The following LRRC28 variants were observed in gnomAD, a reference collection of about 807,000 sequenced individuals.
LRRC28 encodes leucine rich repeat containing 28.
LRRC28 carries 39 observed loss-of-function variants against 45.7 expected under a neutral mutation model. The observed-to-expected ratio is 0.85, with a 90% confidence interval of 0.66 to 1.12. The LOEUF (loss-of-function observed/expected upper bound fraction) is 1.12, where lower values mean the gene tolerates loss of function less well. LRRC28 is among the 50% of genes most tolerant of loss of function. The pLI is 0.00. For synonymous variants in LRRC28, 206 were observed against 178.8 expected (o/e 1.15, Z -1.22); for missense variants, 435 against 438.5 (o/e 0.99, Z 0.07).
intron 6 of LRRC28, among the ~76,000 whole-genome samples, chr15:99,334,880 G>A (rs1448771486): frequency 1.3e-5 from 2 of 151,906 alleles, no homozygotes; most frequent in Non-Finnish European, 2.9e-5. Flanking sequence ...TATCTCTGAG[G>A]GTAGTAAAGT....
At position 99,388,427 on chromosome 15, in the gene LRRC28, AAAC is replaced by A. The variant is rs1958093554; in HGVS notation, c.*2330_*2332del. 1 of 152,248 alleles carries A rather than the reference AAAC, an allele frequency of 6.6e-6. No homozygotes were observed. The highest frequency in any genetic ancestry group is 2.4e-5 in the African/African-American group (1 of 41,462). 9.4% of individuals were successfully genotyped at this position (152,248 alleles called of 1,614,324 possible). On this transcript the variant is annotated 3_prime_UTR_variant, in exon 10 of 10. Transcript: ENST00000301981. ...TACCTATTATGAACTACGGTGTGTT[AAAC>A]AACAGCAGTGGGCTGGGCAGACAAC...
intron 9 of LRRC28, among the ~76,000 whole-genome samples, chr15:99,381,163 G>C (rs1416868135): frequency 6.6e-6 from 1 of 152,174 alleles, no homozygotes; most frequent in Non-Finnish European, 1.5e-5. Context: ...TCACTTTCAA[G>C]TATACCAATC....
At chr15:99,288,417 C>A (rs1004286860) in intron 5 of LRRC28, among the ~76,000 whole-genome samples, 1 of 123,330 alleles carries the variant, frequency 8.1e-6, no homozygotes, top group Non-Finnish European at 1.6e-5. Flanking sequence ...GAGTCTTGCC[C>A]TGTCGTCAGG....
chr15:99,387,185 CAA>C lies in LRRC28; in HGVS notation c.*1084_*1085del, dbSNP rs1567721870. 8.9e-5 allele frequency: 13 copies of C among 145,804 alleles called. No individual in the cohort carries two copies. The highest frequency in any genetic ancestry group is 1.2e-4 in the Non-Finnish European group (8 of 66,098). 9.0% of individuals were successfully genotyped at this position (145,804 alleles called of 1,614,324 possible). A position where few individuals can be genotyped will look rare whatever the true frequency, so the allele number is the denominator to read the frequency against. Reference sequence around the variant, plus strand: ...ACGCCATTCTCCTGCCTCAGCCTCCCAAGTAGCTGGGACCACAGGCGCCCGCC... The same window carrying C: ...ACGCCATTCTCCTGCCTCAGCCTCCCGTAGCTGGGACCACAGGCGCCCGCC... On this transcript the variant is annotated 3_prime_UTR_variant, in exon 10 of 10. Coordinates refer to ENST00000301981, the MANE Select transcript of LRRC28 (RefSeq NM_144598.5).
At chr15:99,333,790 A>C in intron 5 of LRRC28, 133 bp from the exon 6 acceptor site, 1 of 895,876 alleles carries the variant, frequency 1.1e-6, no homozygotes, top group Non-Finnish European at 1.7e-6. Context: ...AAAATCCTGC[A>C]CTTCAGCATT....
chr15:99,295,554 A>T (rs537051081), intron 5 of LRRC28, among the ~76,000 whole-genome samples: 1 of 152,362 alleles, frequency 6.6e-6, no homozygotes, highest in South Asian at 2.1e-4. Flanking sequence ...GAGAAATCTG[A>T]TACCTTTGTG....
intron 3 of LRRC28, chr15:99,285,334 T>A (rs2081928762): frequency 1.3e-6 from 1 of 742,078 alleles, no homozygotes; most frequent in South Asian, 1.4e-5. Context: ...GTCCCACAAC[T>A]CTTCTGTCCA....
At chr15:99,310,423 G>A (rs1955361420) in intron 5 of LRRC28, among the ~76,000 whole-genome samples, 1 of 152,140 alleles carries the variant, frequency 6.6e-6, no homozygotes, top group African/African-American at 2.4e-5. Flanking sequence ...AAGTTGATAG[G>A]AAGCTTTGTA....
At chr15:99,325,784 A>G (rs1031791593) in intron 5 of LRRC28, among the ~76,000 whole-genome samples, 2 of 152,226 alleles carry the variant, frequency 1.3e-5, no homozygotes, top group African/African-American at 4.8e-5. Flanking sequence ...GAGGTGGGCC[A>G]GGGCTGATCT....
At chr15:99,342,798 T>C (rs1178454338) in intron 6 of LRRC28, among the ~76,000 whole-genome samples, 1 of 152,234 alleles carries the variant, frequency 6.6e-6, no homozygotes, top group Non-Finnish European at 1.5e-5. Flanking sequence ...TAACAGTTGA[T>C]GATCTACCAT....
At chr15:99,363,451 T>A in intron 9 of LRRC28, 186 bp downstream of exon 9, 1 of 597,666 alleles carries the variant, frequency 1.7e-6, no homozygotes, top group African/African-American at 1.9e-5. Flanking sequence ...TTGCCTTTAT[T>A]AATTTTTTGG....
intron 7 of LRRC28, among the ~76,000 whole-genome samples, chr15:99,357,831 A>T (rs28504543): frequency 0.021 from 3,227 of 152,220 alleles, 106 homozygotes; most frequent in African/African-American, 0.073. Context: ...TCTGATTTTG[A>T]TGAATTCTGT....
At chr15:99,361,166 G>A (rs923349287) in intron 7 of LRRC28, 170 bp from the exon 8 acceptor site, 1 of 735,304 alleles carries the variant, frequency 1.4e-6, no homozygotes. Context: ...AGATTGCTGG[G>A]CCAGGTTTTA....
At chr15:99,259,650 C>A in intron 2 of LRRC28, 2 of 1,421,164 alleles carry the variant, frequency 1.4e-6, no homozygotes, top group Non-Finnish European at 1.0e-6. Context: ...AATTACCATG[C>A]GAGTCGGAAG....
chr15:99,380,042 G>A (rs1957769956), intron 9 of LRRC28, among the ~76,000 whole-genome samples: 1 of 152,206 alleles, frequency 6.6e-6, no homozygotes, highest in Non-Finnish European at 1.5e-5. Flanking sequence ...TTCTGTAGAT[G>A]TCTATTAGAT....
chr15:99,351,119 T>C (rs1441776187), intron 6 of LRRC28, among the ~76,000 whole-genome samples: 1 of 152,144 alleles, frequency 6.6e-6, no homozygotes, highest in African/African-American at 2.4e-5. Flanking sequence ...TATTATGTTC[T>C]TTCTTAAGAG....
At chr15:99,293,763 T>G (rs551610411) in intron 5 of LRRC28, among the ~76,000 whole-genome samples, 1 of 152,062 alleles carries the variant, frequency 6.6e-6, no homozygotes, top group Admixed American at 6.6e-5. Flanking sequence ...CTGAGATTAC[T>G]GGTGTGAGCC....
intron 8 of LRRC28, among the ~76,000 whole-genome samples, chr15:99,362,553 G>A (rs1330541306): frequency 6.6e-6 from 1 of 152,202 alleles, no homozygotes; most frequent in Non-Finnish European, 1.5e-5. Context: ...AGCTGGGAAG[G>A]AAGCTCCCTG....
intron 9 of LRRC28, among the ~76,000 whole-genome samples, chr15:99,365,747 T>C (rs568787170): frequency 3.2e-4 from 48 of 152,362 alleles, no homozygotes; most frequent in Non-Finnish European, 5.4e-4. Flanking sequence ...TTGAATATTC[T>C]TCTAAAATAC....
Sources: allele counts gnomAD v4.1 joint callset (sites outside exome capture counted in the v4.1 genomes callset), GRCh38; gene constraint gnomAD v4.1.1; transcripts MANE v1.5; gene names NCBI Gene and HGNC (gene_info 2026-07-23, HGNC 2026-07-21).